Variants in P3H2 observed in about 807,000 individuals in gnomAD.
P3H2 encodes the protein prolyl 3-hydroxylase 2.
In P3H2, 80 loss-of-function variants were observed where a neutral mutation model predicts 87.0. The ratio of observed to expected loss-of-function variants is 0.92; its 90% CI spans 0.77 to 1.11. The LOEUF (loss-of-function observed/expected upper bound fraction) is 1.11. Ranked by LOEUF, P3H2 falls within the 50% of genes least tolerant of loss-of-function variation. The pLI, the probability that P3H2 is intolerant of heterozygous loss-of-function variation, is 0.00. For synonymous variants in P3H2, 367 were observed against 359.3 expected (o/e 1.02, Z -0.24); for missense variants, 1,001 against 923.9 (o/e 1.08, Z -1.08).
intron 1 of P3H2, among the ~76,000 whole-genome samples, chr3:190,074,159 G>T (rs1726792838): frequency 6.6e-6 from 1 of 152,124 alleles, no homozygotes; most frequent in African/African-American, 2.4e-5. Context: ...AGTGTGATTG[G>T]ATAACTTAAT....
chr3:189,974,161 AAG>A, intron 9 of P3H2, 157 bp from the exon 10 acceptor site: 1 of 658,134 alleles, frequency 1.5e-6, no homozygotes, highest in Non-Finnish European at 2.7e-6. Context: ...TTTTAATTAA[AAG>A]AGATATCTTT....
chr3:189,986,867 AT>A lies in P3H2; in HGVS notation c.1108del (p.Met370CysfsTer3), dbSNP rs1723717625. 1 of 1,608,824 alleles carries A rather than the reference AT, an allele frequency of 6.2e-7. No individual in the cohort carries two copies. Among genetic ancestry groups the A allele is most frequent in the Non-Finnish European group, 8.5e-7 (1 of 1,175,314 alleles). On this transcript the variant is annotated frameshift_variant, in exon 6 of 15. Transcript: ENST00000319332. LOFTEE classifies it high-confidence loss of function. ...CTCCAGCTTATGACGTTTCACAAAC[AT>A]TGTTAAATCCTAGAGAAAAAGAAGT... ...ASIEAREDLT[M>X]FVKRHKLESE...
intron 8 of P3H2, among the ~76,000 whole-genome samples, chr3:189,980,453 C>T (rs542356598): frequency 1.3e-5 from 2 of 152,180 alleles, no homozygotes; most frequent in Non-Finnish European, 2.9e-5. Context: ...GTCCTAGCTA[C>T]TCAGGAGGCT....
At position 189,974,581 on chromosome 3, in the gene P3H2, G is replaced by A. The variant is rs201266004; in HGVS notation, c.1429C>T (p.Arg477Trp). Residue 477 changes from arginine to tryptophan, a missense_variant, in exon 9 of 15, where the codon CGG (arginine) becomes TGG (tryptophan). Arg to Trp is a moderately radical substitution (Grantham distance 101). Coordinates refer to ENST00000319332, the MANE Select transcript of P3H2 (RefSeq NM_018192.4). Reference sequence around the variant, plus strand: ...ACACTGGCCACGCTGTGGAGCTCCCGGCACTGTTCTTCCGACAGGACGTTA... The same window carrying A: ...ACACTGGCCACGCTGTGGAGCTCCCAGCACTGTTCTTCCGACAGGACGTTA... ...LDNVLSEEQC[R>W]ELHSVASGIM... The A allele has an allele frequency of 9.1e-5, 147 of 1,613,888 alleles. No homozygotes were observed. The highest frequency in any genetic ancestry group is 1.7e-4 in the Middle Eastern group (1 of 5,952).
chr3:190,109,551 T>G (rs1246592528), intron 1 of P3H2, among the ~76,000 whole-genome samples: 1 of 152,170 alleles, frequency 6.6e-6, no homozygotes, highest in East Asian at 1.9e-4. Context: ...TGTGTTAGTT[T>G]GTATTGTTAA....
chr3:190,095,055 A>G (rs1231408852), intron 1 of P3H2, among the ~76,000 whole-genome samples: 1 of 152,152 alleles, frequency 6.6e-6, no homozygotes. Flanking sequence ...CAGAAAAGTG[A>G]ACATGTGCTT....
chr3:190,051,446 T>C (rs1328964805), intron 1 of P3H2, among the ~76,000 whole-genome samples: 1 of 152,208 alleles, frequency 6.6e-6, no homozygotes, highest in Non-Finnish European at 1.5e-5. Context: ...CTAGAGGCCA[T>C]AGTTGAAAAG....
intron 12 of P3H2, among the ~76,000 whole-genome samples, 158 bp from the exon 13 acceptor site, chr3:189,971,049 G>T (rs1723163990): frequency 6.6e-6 from 1 of 152,192 alleles, no homozygotes; most frequent in South Asian, 2.1e-4. Context: ...TTAAAGAGAA[G>T]ATCAGATAGA....
chr3:189,995,335 A>T lies in P3H2; in HGVS notation c.588T>A (p.Gly196=), dbSNP rs751844865. The change falls in exon 2 of 15, where the codon GGT becomes GGA. Residue 196 remains glycine, a synonymous_variant. Transcript: ENST00000319332. ...TGTCTACCAACTGCAATGCTTCAAC[A>T]CCAGCTGTCGCCCTGTAATTCTCAA... ...QNIENYRATA[G]VEALQLVDRE... 1.9e-6 allele frequency: 3 copies of T among 1,614,122 alleles called. No homozygotes were observed. Among genetic ancestry groups the T allele is most frequent in the Non-Finnish European group, 1.7e-6 (2 of 1,180,012 alleles).
chr3:190,119,357 A>G (rs890961734), intron 1 of P3H2, among the ~76,000 whole-genome samples: 4 of 152,152 alleles, frequency 2.6e-5, no homozygotes, highest in African/African-American at 9.7e-5. Context: ...ACGAGAAAGA[A>G]GGGTTAAGAG....
chr3:189,996,948 C>G (rs887187507), intron 1 of P3H2, among the ~76,000 whole-genome samples: 15 of 152,200 alleles, frequency 9.9e-5, no homozygotes, highest in Non-Finnish European at 1.9e-4. Flanking sequence ...TCCTAAACCA[C>G]TTAATACAAT....
At chr3:189,967,787 T>C (rs1196045755) in intron 13 of P3H2, among the ~76,000 whole-genome samples, 1 of 152,192 alleles carries the variant, frequency 6.6e-6, no homozygotes, top group Admixed American at 6.5e-5. Context: ...TCTTAGTTAT[T>C]ACAATGTTTC....
intron 1 of P3H2, among the ~76,000 whole-genome samples, chr3:190,070,253 G>C (rs541867780): frequency 6.6e-6 from 1 of 152,178 alleles, no homozygotes; most frequent in Admixed American, 6.5e-5. Context: ...TATTGAGAGA[G>C]GAAGAGAAGC....
In P3H2 at chr3:189,994,268, C is replaced by A; in HGVS notation, c.649G>T (p.Gly217Ter). The change falls in exon 3 of 15, where the codon GGA becomes TGA. Residue 217 changes from glycine to a stop codon, truncating the protein, a stop_gained. Transcript: ENST00000319332. LOFTEE classifies it high-confidence loss of function. The stretch of plus-strand genomic sequence containing the variant: ...TCATCAGCCTCATAATGTTTAACTC[C>A]TGCATTGTAACTCTCCTGTAATGAA... ...AKPHMESYNA[G>*]VKHYEADDFE... The A allele has an allele frequency of 6.2e-7, 1 of 1,611,620 alleles. No homozygotes were observed. The highest frequency in any genetic ancestry group is 1.7e-4 in the Middle Eastern group (1 of 6,058).
At chr3:190,110,965 A>G (rs1485380934) in intron 1 of P3H2, among the ~76,000 whole-genome samples, 1 of 152,238 alleles carries the variant, frequency 6.6e-6, no homozygotes, top group Non-Finnish European at 1.5e-5. Context: ...ACTGAATCTA[A>G]TATTTGTAGA....
intron 1 of P3H2, among the ~76,000 whole-genome samples, chr3:190,072,656 CA>C (rs1233855153): frequency 6.6e-6 from 1 of 152,016 alleles, no homozygotes; most frequent in East Asian, 1.9e-4. Flanking sequence ...AAATAGATGC[CA>C]ATATGCTCAT....
chr3:189,987,843 T>G (rs912725699), intron 4 of P3H2, 174 bp from the exon 5 acceptor site: 2 of 720,042 alleles, frequency 2.8e-6, no homozygotes, highest in South Asian at 3.4e-5. Context: ...AAAGACATGA[T>G]TTCAAGTATT....
At chr3:190,073,584 T>A (rs929014579) in intron 1 of P3H2, among the ~76,000 whole-genome samples, 1 of 152,154 alleles carries the variant, frequency 6.6e-6, no homozygotes, top group African/African-American at 2.4e-5. Context: ...CTGGTGGGCA[T>A]GATTGAAGGT....
At chr3:189,970,992 T>C (rs1178196279) in intron 12 of P3H2, 101 bp from the exon 13 acceptor site, 8 of 714,698 alleles carry the variant, frequency 1.1e-5, no homozygotes, top group African/African-American at 5.3e-5. Flanking sequence ...CCTCCATTAG[T>C]AAGTTTCCTT....
Sources: allele counts gnomAD v4.1 joint callset (sites outside exome capture counted in the v4.1 genomes callset), GRCh38; gene constraint gnomAD v4.1.1; transcripts MANE v1.5; gene names NCBI Gene and HGNC (gene_info 2026-07-23, HGNC 2026-07-21).